LIMCH1: variants seen among roughly 807,000 people sequenced by gnomAD.
The protein encoded by LIMCH1 is LIM and calponin homology domains 1, also known as LIM and calponin homology domains-containing protein 1.
In LIMCH1, 113 loss-of-function variants were observed where a neutral mutation model predicts 176.5. That is an observed-to-expected ratio of 0.64 (90% confidence interval 0.55 to 0.75). The LOEUF (loss-of-function observed/expected upper bound fraction) is 0.75. Ranked by LOEUF, LIMCH1 falls within the 30% of genes least tolerant of loss-of-function variation. The pLI is 0.00. For missense variants in LIMCH1, 1,674 were observed against 1,814.9 expected (o/e 0.92, Z 1.41); for synonymous variants, 619 against 645.9 (o/e 0.96, Z 0.63).
At chr4:41,570,745 G>A (rs1051898052) in intron 1 of LIMCH1, among the ~76,000 whole-genome samples, 28 of 152,148 alleles carry the variant, frequency 1.8e-4, no homozygotes, top group African/African-American at 4.1e-4. Flanking sequence ...GAATGGCACC[G>A]CCCAACAAAA....
chr4:41,464,312 C>T (rs1410978884), intron 1 of LIMCH1, among the ~76,000 whole-genome samples: 1 of 151,746 alleles, frequency 6.6e-6, no homozygotes, highest in East Asian at 1.9e-4. Context: ...TTCCTTACCT[C>T]CTACTCATTC....
At chr4:41,652,997 A>G (rs977622460) in intron 18 of LIMCH1, among the ~76,000 whole-genome samples, 3 of 152,198 alleles carry the variant, frequency 2.0e-5, no homozygotes, top group African/African-American at 7.2e-5. Flanking sequence ...CTGAACAGGT[A>G]GTAGTATTTA....
At chr4:41,638,015 A>G (rs925661283) in intron 13 of LIMCH1, among the ~76,000 whole-genome samples, 1 of 152,228 alleles carries the variant, frequency 6.6e-6, no homozygotes, top group Non-Finnish European at 1.5e-5. Flanking sequence ...AATTGCAGAA[A>G]GGAGGAGCTT....
chr4:41,566,504 T>C (rs1414456085), intron 1 of LIMCH1, among the ~76,000 whole-genome samples: 1 of 151,932 alleles, frequency 6.6e-6, no homozygotes, highest in Non-Finnish European at 1.5e-5. Flanking sequence ...TGATGAAATA[T>C]CAGAATACTG....
At chr4:41,618,922 A>G (rs141341749) in intron 5 of LIMCH1, among the ~76,000 whole-genome samples, 1 of 152,306 alleles carries the variant, frequency 6.6e-6, no homozygotes, top group African/African-American at 2.4e-5. Context: ...TGTGTTGCTA[A>G]TTGTAATTCT....
chr4:41,416,225 G>A (rs1028556386), intron 1 of LIMCH1, among the ~76,000 whole-genome samples: 3 of 152,106 alleles, frequency 2.0e-5, no homozygotes, highest in Non-Finnish European at 4.4e-5. Flanking sequence ...GAGCTCAAAT[G>A]AATAAATGTA....
chr4:41,390,386 T>TTA, intron 1 of LIMCH1, among the ~76,000 whole-genome samples: 1 of 152,248 alleles, frequency 6.6e-6, no homozygotes, highest in East Asian at 1.9e-4. Context: ...GTTTATGTGT[T>TTA]CTGCTTAGTT....
At chr4:41,484,267 GGACT>G (rs2069137726) in intron 1 of LIMCH1, among the ~76,000 whole-genome samples, 6 of 151,976 alleles carry the variant, frequency 3.9e-5, no homozygotes, top group Admixed American at 3.9e-4. Flanking sequence ...TTTTTTCCCT[GGACT>G]GTGATTTCTA....
At chr4:41,654,258 G>A (rs535738394) in intron 18 of LIMCH1, among the ~76,000 whole-genome samples, 1 of 152,252 alleles carries the variant, frequency 6.6e-6, no homozygotes, top group South Asian at 2.1e-4. Flanking sequence ...CTAGTAATAT[G>A]CAGTAGGACA....
At chr4:41,368,617 G>A (rs930016688) in intron 1 of LIMCH1, among the ~76,000 whole-genome samples, 12 of 152,226 alleles carry the variant, frequency 7.9e-5, no homozygotes, top group Admixed American at 7.8e-4. Flanking sequence ...GGCTTGCGTT[G>A]GATGCTACAC....
Position 41,646,544 on chromosome 4 carries a change from C to T in LIMCH1, c.2471C>T (p.Ala824Val), listed in dbSNP as rs754453432. 1.2e-6 allele frequency: 2 copies of T among 1,613,998 alleles called. No homozygotes were observed. The highest frequency in any genetic ancestry group is 1.3e-5 in the African/African-American group (1 of 74,902). Reference protein sequence around the residue: ...AYKNARSQEEAEGILQQYIER... With the variant: ...AYKNARSQEEVEGILQQYIER... ...AAGAACGCTCGGTCCCAGGAGGAGG[C>T]AGAGGGGATCCTTCAACAGTACATT... The change falls in exon 17 of 32, where the codon GCA becomes GTA. Residue 824 changes from alanine to valine, a missense_variant. Ala to Val is a moderately conservative substitution (Grantham distance 64). This residue lies in a region of LIMCH1 where 1,015 missense variants were observed against 1,102.5 expected (regional missense o/e 0.92). Transcript: ENST00000503057.
chr4:41,385,735 G>A (rs567330708), intron 1 of LIMCH1: 1 of 152,160 alleles, frequency 6.6e-6, no homozygotes, highest in Non-Finnish European at 1.5e-5. Context: ...AAAAGAATGG[G>A]TTTGATGCCC....
intron 1 of LIMCH1, among the ~76,000 whole-genome samples, chr4:41,412,402 C>T (rs759206120): frequency 9.2e-5 from 14 of 151,958 alleles, no homozygotes; most frequent in Non-Finnish European, 1.5e-4. Context: ...TTTCACTTTT[C>T]GGGTTTGAAG....
chr4:41,480,652 C>A (rs1403072083), intron 1 of LIMCH1, among the ~76,000 whole-genome samples: 1 of 152,056 alleles, frequency 6.6e-6, no homozygotes, highest in African/African-American at 2.4e-5. Flanking sequence ...AACATGATAC[C>A]CAGGTAACAA....
chr4:41,542,431 TA>T (rs1225395814), intron 1 of LIMCH1, among the ~76,000 whole-genome samples: 2 of 151,740 alleles, frequency 1.3e-5, no homozygotes, highest in Non-Finnish European at 2.9e-5. Flanking sequence ...AATTAAGGAC[TA>T]AAAAAATGTG....
chr4:41,598,815 C>A, intron 1 of LIMCH1, 105 bp from the exon 2 acceptor site: 1 of 618,438 alleles, frequency 1.6e-6, no homozygotes. Flanking sequence ...TTAGACCTGA[C>A]CATAGCTGCC....
intron 4 of LIMCH1, chr4:41,612,624 C>T: frequency 2.8e-6 from 2 of 702,530 alleles, no homozygotes; most frequent in South Asian, 3.0e-5. Context: ...CTTTGACTGA[C>T]CTTTCTTCTG....
intron 1 of LIMCH1, among the ~76,000 whole-genome samples, chr4:41,440,272 G>A (rs577762655): frequency 1.3e-5 from 2 of 152,216 alleles, no homozygotes; most frequent in Admixed American, 1.3e-4. Flanking sequence ...GCTTTAATCA[G>A]GAAACTAGTA....
At chr4:41,503,011 A>ATCCATCCG (rs1479973782) in intron 2 of LIMCH1, among the ~76,000 whole-genome samples, 1 of 150,566 alleles carries the variant, frequency 6.6e-6, no homozygotes, top group East Asian at 2.0e-4. Context: ...CCATCCATCC[A>ATCCATCCG]TCCATCCATC....
Sources: allele counts gnomAD v4.1 joint callset (sites outside exome capture counted in the v4.1 genomes callset), GRCh38; gene constraint gnomAD v4.1.1; regional missense constraint gnomAD v4.1.1; transcripts MANE v1.5; gene names NCBI Gene and HGNC (gene_info 2026-07-23, HGNC 2026-07-21).